CCDC77: variants seen among roughly 807,000 people sequenced by gnomAD.
The protein encoded by CCDC77 is coiled-coil domain-containing protein 77.
In CCDC77, 56 loss-of-function variants were observed where a neutral mutation model predicts 66.8. The ratio of observed to expected loss-of-function variants is 0.84; its 90% confidence interval spans 0.68 to 1.05. The LOEUF is 1.05. Ranked by LOEUF, CCDC77 falls within the 50% of genes least tolerant of loss-of-function variation. The probability of loss-of-function intolerance (pLI) is 0.00; values close to 1 mark genes in which losing one functional copy is unlikely to be tolerated. For synonymous variants in CCDC77, 196 were observed against 195.2 expected, an observed-to-expected ratio of 1.00 and a Z score of -0.03; for missense variants, 570 against 576.8, an observed-to-expected ratio of 0.99 and a Z score of 0.12.
chr12:437,473 A>G (rs895502524), intron 9 of CCDC77, among the ~76,000 whole-genome samples: 1 of 152,018 alleles, frequency 6.6e-6, no homozygotes. Context: ...TTAACCTGGG[A>G]TGGAGTTTCA....
At chr12:436,211 G>A (rs1284503462) in intron 9 of CCDC77, among the ~76,000 whole-genome samples, 4 of 145,352 alleles carry the variant, frequency 2.8e-5, no homozygotes, top group African/African-American at 1.0e-4. Context: ...TCCGCCTCCC[G>A]GGTTCATGCC....
rs746848208 is a variant in CCDC77, at chr12:440,602, C to T, written c.1042-15C>T. On this transcript the variant is annotated splice_polypyrimidine_tract_variant and intron_variant, in intron 10 of 12. Transcript: ENST00000239830. ...AGAACTGAGTGTTAATGTTTTTTGT[C>T]CCTTTGACTTGTAGTCCCTAAAAGA... The T allele has an allele frequency of 6.2e-7, 1 of 1,610,728 alleles. No homozygotes were observed. Among genetic ancestry groups the T allele is most frequent in the South Asian group, 1.1e-5 (1 of 90,590 alleles).
Position 411,932 on chromosome 12 carries a change from A to T in CCDC77, c.224A>T (p.Asp75Val). 6 of 1,614,064 alleles carry T rather than the reference A, an allele frequency of 3.7e-6. No individual in the cohort carries two copies. The highest frequency in any genetic ancestry group is 5.1e-6 in the Non-Finnish European group (6 of 1,180,014). Reference sequence around the variant, plus strand: ...GCTGAGTGTGAGGCAGAAAATGAGGACTTGCTGAAGAAACTGGAACTCTAC... The same window carrying T: ...GCTGAGTGTGAGGCAGAAAATGAGGTCTTGCTGAAGAAACTGGAACTCTAC... ...KMAECEAENE[D>V]LLKKLELYKE... Residue 75 changes from aspartate to valine, a missense_variant, in exon 4 of 13, where the codon GAC becomes GTC. Asp to Val is a radical substitution (Grantham distance 152). Transcript: ENST00000239830.
At chr12:429,480 A>G (rs1182553063) in intron 6 of CCDC77, among the ~76,000 whole-genome samples, 1 of 124,738 alleles carries the variant, frequency 8.0e-6, no homozygotes, top group Non-Finnish European at 1.6e-5. Flanking sequence ...TTTTTTTTTG[A>G]GACAAAGTCT....
Position 440,747 on chromosome 12 carries a change from G to A in CCDC77, c.1167+5G>A, listed in dbSNP as rs747471955. 9.3e-6 allele frequency: 15 copies of A among 1,613,776 alleles called. No individual in the cohort carries two copies. The highest frequency in any genetic ancestry group is 8.9e-5 in the East Asian group (4 of 44,900). On this transcript the variant is annotated splice_donor_5th_base_variant and intron_variant, in intron 11 of 12. Coordinates refer to ENST00000239830, the MANE Select transcript of CCDC77 (RefSeq NM_032358.4). ...ATGAGGAGAGAGATCTTCAAGGTAC[G>A]AAATTATCTGCCACTTGTAATGGAA...
At chr12:402,761 A>T (rs937019809) in intron 1 of CCDC77, among the ~76,000 whole-genome samples, 1 of 152,242 alleles carries the variant, frequency 6.6e-6, no homozygotes, top group African/African-American at 2.4e-5. Context: ...GGTAAGAAGT[A>T]TTGAGACTCT....
upstream of CCDC77, among the ~76,000 whole-genome samples, chr12:400,785 A>G (rs146540090): frequency 1.6e-3 from 245 of 152,340 alleles, no homozygotes; most frequent in Admixed American, 3.5e-3. Flanking sequence ...AAAATTACCA[A>G]ATGTGGTGCA....
intron 1 of CCDC77, among the ~76,000 whole-genome samples, chr12:393,683 C>G (rs1944790111): frequency 2.0e-5 from 3 of 152,158 alleles, no homozygotes; most frequent in Non-Finnish European, 4.4e-5. Context: ...AGGCACCCAC[C>G]ACCACACTCA....
At chr12:427,780 C>A (rs1256130336) in intron 5 of CCDC77, among the ~76,000 whole-genome samples, 1 of 152,078 alleles carries the variant, frequency 6.6e-6, no homozygotes, top group Non-Finnish European at 1.5e-5. Context: ...GCCCGAAATC[C>A]CTTTTTAGCG....
intron 4 of CCDC77, among the ~76,000 whole-genome samples, chr12:415,389 T>C (rs1378606863): frequency 1.1e-5 from 1 of 91,726 alleles, no homozygotes; most frequent in Non-Finnish European, 2.3e-5. Flanking sequence ...TAATATTATG[T>C]TAATATAATC....
upstream of CCDC77, among the ~76,000 whole-genome samples, chr12:397,239 A>G (rs1229057164): frequency 6.6e-6 from 1 of 152,188 alleles, no homozygotes; most frequent in Non-Finnish European, 1.5e-5. Context: ...TTAGAAGCCT[A>G]TGGTAATAGA....
At chr12:440,274 G>A (rs1156795490) in intron 10 of CCDC77, among the ~76,000 whole-genome samples, 1 of 152,208 alleles carries the variant, frequency 6.6e-6, no homozygotes, top group African/African-American at 2.4e-5. Context: ...AAGCGTTGTT[G>A]TTAATATTTC....
At chr12:400,543 T>A (rs924677187), upstream of CCDC77, among the ~76,000 whole-genome samples, 1 of 152,074 alleles carries the variant, frequency 6.6e-6, no homozygotes, top group Non-Finnish European at 1.5e-5. Flanking sequence ...TGTTAATTGG[T>A]CTAATTTCAA....
chr12:404,412 G>C (rs568178090), intron 1 of CCDC77, among the ~76,000 whole-genome samples: 6 of 152,342 alleles, frequency 3.9e-5, no homozygotes, highest in Admixed American at 6.5e-5. Context: ...AAACAGAAAA[G>C]AGCAATTGAA....
At position 431,971 on chromosome 12, in the gene CCDC77, G is replaced by A. The variant is rs1205626823; in HGVS notation, c.672+17G>A. ...ATCCTACAGGTAAAGAATGTATTTT[G>A]GCAGACCAAGATGGCTTTTATCCAC... On this transcript the variant is annotated intron_variant, in intron 8 of 12. Transcript: ENST00000239830. 8 of 1,545,460 alleles carry A rather than the reference G, an allele frequency of 5.2e-6. No individual in the cohort carries two copies. Among genetic ancestry groups the A allele is most frequent in the Non-Finnish European group, 7.1e-6 (8 of 1,122,568 alleles).
At chr12:416,359 GTGTGTGTGTGTGTGTGTGTA>G (rs1945268325) in intron 4 of CCDC77, among the ~76,000 whole-genome samples, 17 of 43,520 alleles carry the variant, frequency 3.9e-4, no homozygotes, top group African/African-American at 5.4e-4. Flanking sequence ...GTGTGTGTGT[GTGTGTGTGTGTGTGTGTGTA>G]TATATATATA....
chr12:432,990 C>T (rs1436947293), intron 8 of CCDC77, among the ~76,000 whole-genome samples, 184 bp from the exon 9 acceptor site: 1 of 152,104 alleles, frequency 6.6e-6, no homozygotes, highest in African/African-American at 2.4e-5. Flanking sequence ...TATGATCACG[C>T]CCACTGCACT....
At chr12:434,391 C>T (rs568712073) in intron 9 of CCDC77, among the ~76,000 whole-genome samples, 92 of 147,444 alleles carry the variant, frequency 6.2e-4, no homozygotes, top group African/African-American at 1.2e-3. Context: ...CTCACTCTGT[C>T]GCCCAGGCTG....
At chr12:433,355 A>G in intron 9 of CCDC77, 33 bp downstream of exon 9, 3 of 1,607,386 alleles carry the variant, frequency 1.9e-6, no homozygotes, top group South Asian at 2.2e-5. Flanking sequence ...CCTAACGGGT[A>G]TTGTATTTTT....
Sources: gnomAD v4.1 joint callset for allele counts (sites outside exome capture counted in the v4.1 genomes callset) on GRCh38, gnomAD v4.1.1 for gene constraint, MANE v1.5 for transcripts, NCBI Gene and HGNC (gene_info 2026-07-23, HGNC 2026-07-21) for gene names.